The following B4GALNT3 variants were observed in gnomAD, a reference collection of about 807,000 sequenced individuals.
B4GALNT3 encodes the protein beta-1,4-N-acetyl-galactosaminyltransferase 3.
In B4GALNT3, 86 loss-of-function variants were observed where a neutral mutation model predicts 120.2. The observed-to-expected ratio is 0.72, with a 90% CI of 0.60 to 0.86. The LOEUF is 0.86. B4GALNT3 is among the 40% of genes least tolerant of loss of function. The pLI, the probability that B4GALNT3 is intolerant of heterozygous loss-of-function variation, is 0.00. For synonymous variants in B4GALNT3, 518 were observed against 510.4 expected, an observed-to-expected ratio of 1.01 and a Z score of -0.20; for missense variants, 1,167 against 1,298.9, an observed-to-expected ratio of 0.90 and a Z score of 1.56.
At position 550,736 on chromosome 12, in the gene B4GALNT3, G is replaced by A. The variant is rs1947071476; in HGVS notation, c.998-186G>A. Reference sequence around the variant, plus strand: ...TGTGTGCTGAGTCCTCTGCTGCCAGGGTGCTCCTCAAATGGCCCTGCTCCA... The same window carrying A: ...TGTGTGCTGAGTCCTCTGCTGCCAGAGTGCTCCTCAAATGGCCCTGCTCCA... On this transcript the variant is annotated intron_variant, in intron 10 of 19. Coordinates refer to ENST00000266383, the MANE Select transcript of B4GALNT3 (RefSeq NM_173593.4). This position sits in a 1 kb window ranked among gnomAD's most constrained non-coding sequence, Gnocchi z 4.1. Among the ~76,000 whole-genome samples the A allele has an allele frequency of 6.6e-6, 1 of 152,164 alleles. No individual in the cohort carries two copies. Among genetic ancestry groups the A allele is most frequent in the African/African-American group, 2.4e-5 (1 of 41,450 alleles).
chr12:505,015 C>A (rs374917297), intron 1 of B4GALNT3, among the ~76,000 whole-genome samples: 1 of 151,988 alleles, frequency 6.6e-6, no homozygotes, highest in Non-Finnish European at 1.5e-5. Flanking sequence ...CTCAGCCTCC[C>A]GAGTAGCTGG....
rs563216986 is a variant in B4GALNT3, at chr12:550,552, A to G, written c.998-370A>G. On this transcript the variant is annotated intron_variant, in intron 10 of 19. Transcript: ENST00000266383. This position sits in a 1 kb window ranked among gnomAD's most constrained non-coding sequence, Gnocchi z 4.1. The stretch of plus-strand genomic sequence containing the variant: ...ACTCCTCACCCCTCTCAAAAAAATG[A>G]CAACTGACGCTAAGGGGATGTTCAG... Among the ~76,000 whole-genome samples the G allele has an allele frequency of 3.7e-4, 57 of 152,280 alleles. No individual in the cohort carries two copies. Among genetic ancestry groups the G allele is most frequent in the African/African-American group, 1.3e-3 (56 of 41,546 alleles).
At position 559,043 on chromosome 12, in the gene B4GALNT3, C is replaced by T. The variant is rs373071808; in HGVS notation, c.2762-252C>T. On this transcript the variant is annotated intron_variant, in intron 18 of 19. Transcript: ENST00000266383. ...ACAGCTGTGTCTTCTGTGGCTGCCG[C>T]TGTCCGATCCATTTGTAGGGTTGTT... is the stretch of plus-strand genomic sequence containing the variant. Among the ~76,000 whole-genome samples, 8 of 152,188 alleles carry T rather than the reference C, an allele frequency of 5.3e-5. 1 individual carries two copies. The highest frequency in any genetic ancestry group is 1.9e-4 in the African/African-American group (8 of 41,518).
intron 1 of B4GALNT3, among the ~76,000 whole-genome samples, chr12:525,036 C>T (rs1946747462): frequency 6.6e-6 from 1 of 152,208 alleles, no homozygotes; most frequent in Non-Finnish European, 1.5e-5. Flanking sequence ...TCCCTTTTGA[C>T]ATCTTACTGT....
chr12:472,976 CTTTT>C (rs71439341), intron 1 of B4GALNT3, among the ~76,000 whole-genome samples: 4 of 146,738 alleles, frequency 2.7e-5, no homozygotes, highest in African/African-American at 7.6e-5. Context: ...TGTTCAAACA[CTTTT>C]TTTTTTTTTT....
intron 14 of B4GALNT3, among the ~76,000 whole-genome samples, chr12:554,599 G>A (rs936094398): frequency 4.0e-5 from 6 of 150,930 alleles, no homozygotes; most frequent in African/African-American, 1.2e-4. Context: ...GACCATCCTG[G>A]CTAACACGGT....
At chr12:546,784 G>T (rs1415839622) in intron 7 of B4GALNT3, 71 bp downstream of exon 7, 1 of 1,425,562 alleles carries the variant, frequency 7.0e-7, no homozygotes, top group African/African-American at 1.4e-5. Context: ...GCCCCTGTCC[G>T]CCAGCCCAGC....
rs1947160077 is a variant in B4GALNT3, at chr12:556,706, T to G, written c.2220T>G (p.Ala740=). The part of the protein sequence containing the change: ...SARGWQGIDP[A]GGEEVEARNL... ...GAGGCTGGCAGGGCATCGATCCAGCTGGTGGGGAGGAGGTCGAGGCCCGGA... is the reference window on the plus strand; with the variant it reads ...GAGGCTGGCAGGGCATCGATCCAGCGGGTGGGGAGGAGGTCGAGGCCCGGA... The change falls in exon 15 of 20, where the codon GCT becomes GCG. Residue 740 remains alanine (A), a synonymous_variant. Transcript: ENST00000266383. 6.2e-7 allele frequency: 1 copy of G among 1,613,796 alleles called. No individual in the cohort carries two copies. Among genetic ancestry groups the G allele is most frequent in the African/African-American group, 1.3e-5 (1 of 74,918 alleles).
chr12:559,671 G>A (rs762717263), intron 19 of B4GALNT3, among the ~76,000 whole-genome samples: 17 of 152,138 alleles, frequency 1.1e-4, no homozygotes, highest in East Asian at 1.9e-4. Flanking sequence ...CTGGTACACC[G>A]TGTACCAGGT....
chr12:490,057 A>G (rs1018064808), intron 1 of B4GALNT3, among the ~76,000 whole-genome samples: 1 of 152,242 alleles, frequency 6.6e-6, no homozygotes, highest in Admixed American at 6.5e-5. Flanking sequence ...AAAAATCTTG[A>G]ACTAAATGAA....
In B4GALNT3 at chr12:555,267, G is replaced by C. The variant is rs1325238405; in HGVS notation, c.2061-1280G>C. ...CTCCTCCTACCCCCAGTAGTGTCTGGCAATAACTACTTTCCTTTCTAGCTC... is the reference window on the plus strand; with the variant it reads ...CTCCTCCTACCCCCAGTAGTGTCTGCCAATAACTACTTTCCTTTCTAGCTC... On this transcript the variant is annotated intron_variant, in intron 14 of 19. Coordinates refer to ENST00000266383, the MANE Select transcript of B4GALNT3 (RefSeq NM_173593.4). The C allele has an allele frequency of 6.7e-6, 3 of 446,624 alleles. No homozygotes were observed. The Admixed American group carries it at 7.2e-5, about 11-fold the overall frequency. The allele number at this position is 446,624 out of a possible 1,614,324, so 27.7% of individuals were successfully genotyped here.
Position 559,321 on chromosome 12 carries a change from C to T in B4GALNT3, c.2788C>T (p.Leu930=), listed in dbSNP as rs760348416. ...CTACTGGGAGGTGAATGGGTTCGGG[C>T]TGCTTGGCATCTACAAGTCTGACCT... is the stretch of plus-strand genomic sequence containing the variant. ...EGYWEVNGFG[L]LGIYKSDLDR... Residue 930 remains leucine, a synonymous_variant, in exon 19 of 20, where the codon CTG becomes TTG. Transcript: ENST00000266383. 14 of 1,614,048 alleles carry T rather than the reference C, an allele frequency of 8.7e-6. No individual in the cohort carries two copies. The South Asian group carries it at 1.3e-4, about 15-fold the overall frequency.
chr12:517,551 G>A lies in B4GALNT3; in HGVS notation c.170-17615G>A, dbSNP rs190002740. ...CTTTAGGGACAGTGATGTTATTTCCGTTTTATTTTATTTCAGTGATTTATT... is the reference window on the plus strand; with the variant it reads ...CTTTAGGGACAGTGATGTTATTTCCATTTTATTTTATTTCAGTGATTTATT... On this transcript the variant is annotated intron_variant, in intron 1 of 19. Transcript: ENST00000266383. 2.2e-3 allele frequency among the ~76,000 whole-genome samples: 333 copies of A among 152,168 alleles called. 2 individuals are homozygous for A. Among genetic ancestry groups the A allele is most frequent in the African/African-American group, 6.0e-3 (248 of 41,514 alleles).
At chr12:517,477 T>C (rs1946668902) in intron 1 of B4GALNT3, among the ~76,000 whole-genome samples, 1 of 152,116 alleles carries the variant, frequency 6.6e-6, no homozygotes, top group African/African-American at 2.4e-5. Context: ...AAGACAGGTG[T>C]CTTGTGGGAG....
intron 14 of B4GALNT3, chr12:555,149 G>T (rs1206230268): frequency 3.2e-6 from 1 of 313,990 alleles, no homozygotes; most frequent in Non-Finnish European, 6.3e-6. Flanking sequence ...TTGCACTCCA[G>T]CCTGGGCGAC....
intron 1 of B4GALNT3, among the ~76,000 whole-genome samples, chr12:469,454 G>A (rs928422158): frequency 1.1e-4 from 16 of 152,116 alleles, no homozygotes; most frequent in African/African-American, 2.4e-4. Flanking sequence ...CCTTTTTCCA[G>A]TGCTTCTTAA....
intron 1 of B4GALNT3, among the ~76,000 whole-genome samples, chr12:500,146 C>T (rs541249398): frequency 1.3e-4 from 20 of 149,610 alleles, no homozygotes; most frequent in East Asian, 5.9e-4. Flanking sequence ...TTTTTTTTTA[C>T]GTTTAATTTT....
intron 1 of B4GALNT3, among the ~76,000 whole-genome samples, chr12:463,484 C>T (rs1475484054): frequency 6.6e-6 from 1 of 152,172 alleles, no homozygotes; most frequent in African/African-American, 2.4e-5. Context: ...GCGCATACCT[C>T]GAGCCAGGCA....
intron 1 of B4GALNT3, among the ~76,000 whole-genome samples, chr12:524,484 G>A (rs1408399328): frequency 1.3e-5 from 2 of 152,162 alleles, no homozygotes; most frequent in Admixed American, 6.5e-5. Context: ...CAGGGTGGCC[G>A]TGGCTCCTGG....
Sources: gnomAD v4.1 joint callset for allele counts (sites outside exome capture counted in the v4.1 genomes callset) on GRCh38, gnomAD v4.1.1 for gene constraint, Gnocchi (gnomAD v3.1) non-coding constraint, MANE v1.5 for transcripts, NCBI Gene and HGNC (gene_info 2026-07-23, HGNC 2026-07-21) for gene names.